Variants in SBNO2 observed in about 807,000 individuals in gnomAD.
SBNO2 encodes strawberry notch homolog 2.
SBNO2 carries 89 observed loss-of-function variants against 146.3 expected under a neutral mutation model. The ratio of observed to expected loss-of-function variants is 0.61; its 90% confidence interval spans 0.51 to 0.73. The LOEUF is 0.73. Ranked by LOEUF, SBNO2 falls within the 30% of genes least tolerant of loss-of-function variation. The pLI is 0.00. For missense variants in SBNO2, 2,092 were observed against 2,003.7 expected (o/e 1.04, Z -0.84); for synonymous variants, 1,147 against 892.6 (o/e 1.29, Z -5.08).
Position 1,112,221 on chromosome 19 carries a change from CGA to C in SBNO2, c.2594_2595del (p.Phe865CysfsTer26). On this transcript the variant is annotated frameshift_variant, in exon 22 of 32. Coordinates refer to ENST00000361757, the MANE Select transcript of SBNO2 (RefSeq NM_014963.3). LOFTEE classifies it high-confidence loss of function. This position sits in a 1 kb window ranked among gnomAD's most constrained non-coding sequence, Gnocchi z 5.9. ...LISELAGERRFASIVAKRLES... is the reference protein window; with the variant it reads ...LISELAGERRXASIVAKRLES... ...TCCAGGCGCTTGGCCACGATGGAGG[CGA>C]ACCGGCGCTCCCCGGCCAGCTCCGA... 1 of 1,589,934 alleles carries C rather than the reference CGA, an allele frequency of 6.3e-7. No individual in the cohort carries two copies. Among genetic ancestry groups the C allele is most frequent in the Non-Finnish European group, 8.6e-7 (1 of 1,168,534 alleles).
At chr19:1,132,145 C>A in intron 4 of SBNO2, 17 of 1,493,220 alleles carry the variant, frequency 1.1e-5, no homozygotes, top group Non-Finnish European at 1.4e-5. Flanking sequence ...GGTCCCGGCG[C>A]TCGGGGGGCC....
intron 4 of SBNO2, among the ~76,000 whole-genome samples, chr19:1,141,709 T>A (rs2145281791): frequency 6.6e-6 from 1 of 152,180 alleles, no homozygotes; most frequent in Non-Finnish European, 1.5e-5. Flanking sequence ...ACTCCCAGAC[T>A]CAAGCGATCC....
rs1199885001 is a variant in SBNO2, at chr19:1,157,720, A to G, written c.-126-3318T>C. 6.6e-6 allele frequency among the ~76,000 whole-genome samples: 1 copy of G among 152,188 alleles called. No homozygotes were observed. The highest frequency in any genetic ancestry group is 1.5e-5 in the Non-Finnish European group (1 of 68,020). On this transcript the variant is annotated intron_variant, in intron 1 of 31. Coordinates refer to ENST00000361757, the MANE Select transcript of SBNO2 (RefSeq NM_014963.3). This position sits in a 1 kb window ranked among gnomAD's most constrained non-coding sequence, Gnocchi z 6.8. ...AGAACGATGAAGGTGCTGGTGGCCC[A>G]GACAGGACAACCACTGGGAAGGCAG...
chr19:1,147,424 G>A lies in SBNO2; in HGVS notation c.168-4C>T. On this transcript the variant is annotated splice_region_variant and splice_polypyrimidine_tract_variant and intron_variant, in intron 3 of 31. Coordinates refer to ENST00000361757, the MANE Select transcript of SBNO2 (RefSeq NM_014963.3). ...GGAGGCGGAGCTCATGAACGGGCTG[G>A]AGGGAGATGGGGGGGGGGGAGGTGA... is the stretch of plus-strand genomic sequence containing the variant. 9 of 1,341,148 alleles carry A rather than the reference G, an allele frequency of 6.7e-6. No individual in the cohort carries two copies. The highest frequency in any genetic ancestry group is 9.0e-6 in the Non-Finnish European group (9 of 1,004,966). 83.1% of individuals were successfully genotyped at this position (1,341,148 alleles called of 1,614,324 possible).
At chr19:1,122,001 C>T in intron 11 of SBNO2, 138 bp downstream of exon 11, 1 of 618,606 alleles carries the variant, frequency 1.6e-6, no homozygotes, top group Non-Finnish European at 2.2e-6. Flanking sequence ...TCCCCAGCCC[C>T]ACCCCTCCGC....
rs947624399 is a variant in SBNO2 at position 1,108,311 on chromosome 19, G to T, written c.4010C>A (p.Ala1337Glu). 1.2e-5 allele frequency: 16 copies of T among 1,365,350 alleles called. No individual in the cohort carries two copies. The African/African-American group carries it at 2.5e-4, about 21-fold the overall frequency. The allele number at this position is 1,365,350 out of a possible 1,614,324, so 84.6% of individuals were successfully genotyped here. Residue 1337 changes from alanine (A) to glutamate (E), a missense_variant, in exon 32 of 32, where the codon GCG (alanine) becomes GAG (glutamate). Coordinates refer to ENST00000361757, the MANE Select transcript of SBNO2 (RefSeq NM_014963.3). ...ACCGCCCGCCGCGCCCCCCGCCCCC[G>T]CGCCCTCCCCCAGCGCGCCCTCGGA... ...PPSEGALGEG[A>E]GAGGAAGGGP...
Position 1,157,905 on chromosome 19 carries a change from G to A in SBNO2, c.-126-3503C>T, listed in dbSNP as rs984710432. On this transcript the variant is annotated intron_variant, in intron 1 of 31. Coordinates refer to ENST00000361757, the MANE Select transcript of SBNO2 (RefSeq NM_014963.3). The surrounding 1 kb of genome is among the most constrained non-coding windows in gnomAD (Gnocchi z 6.8). ...CCTCCCAGCTCTCTCTCCTGAGTCC[G>A]GATAACTGTCCGCCTCCCAGCTCTC... Among the ~76,000 whole-genome samples the A allele has an allele frequency of 2.0e-5, 3 of 149,328 alleles. No homozygotes were observed. Among genetic ancestry groups the A allele is most frequent in the Non-Finnish European group, 3.0e-5 (2 of 67,310 alleles).
At chr19:1,149,220 T>C (rs1052948440) in intron 3 of SBNO2, 149 bp downstream of exon 3, 59 of 666,262 alleles carry the variant, frequency 8.9e-5, no homozygotes, top group Non-Finnish European at 1.2e-4. Flanking sequence ...GCCCGTGGGG[T>C]GGAGCCTTCC....
chr19:1,165,125 G>A (rs1027695844), intron 1 of SBNO2, among the ~76,000 whole-genome samples: 1 of 152,102 alleles, frequency 6.6e-6, no homozygotes, highest in African/African-American at 2.4e-5. Context: ...CAACCCCTGC[G>A]CAGCAGCCCC....
intron 2 of SBNO2, among the ~76,000 whole-genome samples, chr19:1,152,915 G>C (rs142161285): frequency 3.3e-5 from 5 of 152,150 alleles, no homozygotes; most frequent in Non-Finnish European, 7.3e-5. Context: ...CACTTTGGGA[G>C]GTCAAGGCAG....
chr19:1,119,039 T>A lies in SBNO2; in HGVS notation c.1499A>T (p.Glu500Val), dbSNP rs760906957. 1 of 1,603,716 alleles carries A rather than the reference T, an allele frequency of 6.2e-7. No homozygotes were observed. Among genetic ancestry groups the A allele is most frequent in the Non-Finnish European group, 8.5e-7 (1 of 1,177,158 alleles). Reference sequence around the variant, plus strand: ...CAGGGCCGCGCGGTTGTAGACGCACTCGAAGGCTGGGGCCAGCGGGATCTC... The same window carrying A: ...CAGGGCCGCGCGGTTGTAGACGCACACGAAGGCTGGGGCCAGCGGGATCTC... ...IEEIPLAPAFECVYNRAALLW... is the reference protein window; with the variant it reads ...IEEIPLAPAFVCVYNRAALLW... The change falls in exon 14 of 32, where the codon GAG becomes GTG. Residue 500 changes from glutamate (E) to valine (V), a missense_variant. Coordinates refer to ENST00000361757, the MANE Select transcript of SBNO2 (RefSeq NM_014963.3).
chr19:1,161,413 G>A (rs1391115417), intron 1 of SBNO2, among the ~76,000 whole-genome samples: 1 of 80,588 alleles, frequency 1.2e-5, no homozygotes, highest in Non-Finnish European at 2.5e-5. Context: ...TACTGGGGGT[G>A]CCTGAGTACT....
intron 4 of SBNO2, among the ~76,000 whole-genome samples, chr19:1,133,169 G>A (rs1019620715): frequency 1.3e-5 from 2 of 152,144 alleles, no homozygotes; most frequent in Non-Finnish European, 2.9e-5. Context: ...GGAGAGGACG[G>A]GCCCCATCTG....
intron 1 of SBNO2, chr19:1,168,623 A>C (rs1215146891): frequency 2.0e-5 from 3 of 152,070 alleles, no homozygotes; most frequent in African/African-American, 7.3e-5. Flanking sequence ...GACCCATTCC[A>C]CCCGGCCCCT....
At position 1,136,131 on chromosome 19, in the gene SBNO2, C is replaced by T. The variant is rs2080082890; in HGVS notation, c.280-8366G>A. Reference sequence around the variant, plus strand: ...GGGACACAGAAGCAGAGATCCCAGCCCTGCGGCCACAGCCAGGGGATGCCC... The same window carrying T: ...GGGACACAGAAGCAGAGATCCCAGCTCTGCGGCCACAGCCAGGGGATGCCC... On this transcript the variant is annotated intron_variant, in intron 4 of 31. Transcript: ENST00000361757. The surrounding 1 kb of genome is among the most constrained non-coding windows in gnomAD (Gnocchi z 4.2). Among the ~76,000 whole-genome samples the T allele has an allele frequency of 6.6e-6, 1 of 152,202 alleles. No individual in the cohort carries two copies. Among genetic ancestry groups the T allele is most frequent in the Non-Finnish European group, 1.5e-5 (1 of 68,020 alleles).
In SBNO2 at chr19:1,119,506, G is replaced by T; in HGVS notation, c.1373+10C>A. Reference sequence around the variant, plus strand: ...CGCCGCCCCTCCACGTGGGTGAGAAGGGCACTCACCTCTTCTCGATGGCGT... The same window carrying T: ...CGCCGCCCCTCCACGTGGGTGAGAATGGCACTCACCTCTTCTCGATGGCGT... On this transcript the variant is annotated intron_variant, in intron 13 of 31. Coordinates refer to ENST00000361757, the MANE Select transcript of SBNO2 (RefSeq NM_014963.3). 6.5e-7 allele frequency: 1 copy of T among 1,549,072 alleles called. No individual in the cohort carries two copies. Among genetic ancestry groups the T allele is most frequent in the Non-Finnish European group, 8.9e-7 (1 of 1,128,914 alleles).
At chr19:1,171,588 C>T (rs558975843) in intron 1 of SBNO2, among the ~76,000 whole-genome samples, 15 of 152,308 alleles carry the variant, frequency 9.8e-5, no homozygotes, top group African/African-American at 3.6e-4. Flanking sequence ...CGGACTGGTT[C>T]TGTCGACACA....
chr19:1,124,050 G>T, intron 5 of SBNO2, 28 bp from the exon 6 acceptor site: 1 of 1,600,368 alleles, frequency 6.2e-7, no homozygotes, highest in Non-Finnish European at 8.5e-7. Flanking sequence ...TGTCAGCCCG[G>T]GCCAGACGGG....
chr19:1,157,960 AGCTCTCTCCTGAGTCCGGATAACTGTCCG>A lies in SBNO2; in HGVS notation c.-126-3587_-126-3559del. Among the ~76,000 whole-genome samples, 1 of 147,784 alleles carries A rather than the reference AGCTCTCTCCTGAGTCCGGATAACTGTCCG, an allele frequency of 6.8e-6. No individual in the cohort carries two copies. The highest frequency in any genetic ancestry group is 3.5e-3 in the Middle Eastern group (1 of 288). The stretch of plus-strand genomic sequence containing the variant: ...GAGTCCGGATAACTGTCCGCCTCCC[AGCTCTCTCCTGAGTCCGGATAACTGTCCG>A]CCTCCCAGCTCTCTCCTGAGTCTGG... On this transcript the variant is annotated intron_variant, in intron 1 of 31. Transcript: ENST00000361757. This position sits in a 1 kb window ranked among gnomAD's most constrained non-coding sequence, Gnocchi z 6.8.
Sources: gnomAD v4.1 joint callset for allele counts (sites outside exome capture counted in the v4.1 genomes callset) on GRCh38, gnomAD v4.1.1 for gene constraint, Gnocchi (gnomAD v3.1) non-coding constraint, MANE v1.5 for transcripts, NCBI Gene and HGNC (gene_info 2026-07-23, HGNC 2026-07-21) for gene names.